The following SLC39A11 variants were observed in gnomAD, a reference collection of about 807,000 sequenced individuals.
SLC39A11 encodes the protein zinc transporter ZIP11.
SLC39A11 carries 33 observed loss-of-function variants against 36.1 expected under a neutral mutation model. The ratio of observed to expected loss-of-function variants is 0.91; its 90% CI spans 0.69 to 1.22. The LOEUF (loss-of-function observed/expected upper bound fraction) is 1.22, where lower values mean the gene tolerates loss of function less well. SLC39A11 is among the 50% of genes most tolerant of loss of function. The probability of loss-of-function intolerance (pLI) is 0.00; values close to 1 mark genes in which losing one functional copy is unlikely to be tolerated. For missense variants in SLC39A11, 432 were observed against 430.3 expected (o/e 1.00, Z -0.03); for synonymous variants, 166 against 170.3 (o/e 0.97, Z 0.20).
chr17:72,984,707 T>C (rs2088586176), intron 4 of SLC39A11, among the ~76,000 whole-genome samples: 1 of 152,212 alleles, frequency 6.6e-6, no homozygotes, highest in South Asian at 2.1e-4. Flanking sequence ...GCAACGCCTT[T>C]TACAGGGGCT....
intron 4 of SLC39A11, among the ~76,000 whole-genome samples, chr17:72,978,753 G>A (rs1190011574): frequency 1.3e-5 from 2 of 152,162 alleles, no homozygotes; most frequent in African/African-American, 4.8e-5. Context: ...GGACAGGATG[G>A]GTCCACAAGA....
chr17:72,900,217 G>GAAAGAAAGAAAGAAGGAAAA lies in SLC39A11; in HGVS notation c.430+47534_430+47535insTTTTCCTTCTTTCTTTCTTT, dbSNP rs1567913095. 7.4e-5 allele frequency among the ~76,000 whole-genome samples: 8 copies of GAAAGAAAGAAAGAAGGAAAA among 107,406 alleles called. 2 individuals carry two copies. In the East Asian group the frequency reaches 1.5e-3, roughly 21 times the overall value. 70.5% of individuals were successfully genotyped at this position (107,406 alleles called of 152,430 possible). A position where few individuals can be genotyped will look rare whatever the true frequency, so the allele number is the denominator to read the frequency against. ...AGAAAGAAAGAAAGAAAGAAAGAAA[G>GAAAGAAAGAAAGAAGGAAAA]AAAGAAAGAAAGAAAAAGACAGCAA... On this transcript the variant is annotated intron_variant, in intron 5 of 9. Coordinates refer to ENST00000255559, the MANE Select transcript of SLC39A11 (RefSeq NM_139177.4).
chr17:72,796,379 A>G (rs1431431924), intron 6 of SLC39A11, among the ~76,000 whole-genome samples: 2 of 151,982 alleles, frequency 1.3e-5, no homozygotes, highest in African/African-American at 4.8e-5. Flanking sequence ...TGGTGGGGTC[A>G]CTCTATATGC....
chr17:72,971,627 A>T (rs2087462413), intron 4 of SLC39A11, among the ~76,000 whole-genome samples: 1 of 152,176 alleles, frequency 6.6e-6, no homozygotes, highest in South Asian at 2.1e-4. Flanking sequence ...CAGAGCACCA[A>T]CGTGAAGGCG....
intron 6 of SLC39A11, among the ~76,000 whole-genome samples, chr17:72,796,880 G>A (rs2076914492): frequency 6.6e-6 from 1 of 152,136 alleles, no homozygotes; most frequent in Admixed American, 6.5e-5. Context: ...GATTTTCAAA[G>A]TTACCTGTGG....
At chr17:73,073,368 T>G (rs923661055) in intron 3 of SLC39A11, among the ~76,000 whole-genome samples, 1 of 152,018 alleles carries the variant, frequency 6.6e-6, no homozygotes, top group Non-Finnish European at 1.5e-5. Context: ...GAATAATGGT[T>G]AGAGAGGGAC....
chr17:72,661,510 G>A (rs1056249632), intron 7 of SLC39A11, among the ~76,000 whole-genome samples: 13 of 152,220 alleles, frequency 8.5e-5, no homozygotes, highest in African/African-American at 3.1e-4. Context: ...TGTGCGATGA[G>A]CGTGTGTGTT....
chr17:72,900,042 G>A (rs2082254850), intron 5 of SLC39A11, among the ~76,000 whole-genome samples: 1 of 132,244 alleles, frequency 7.6e-6, no homozygotes, highest in Admixed American at 7.6e-5. Context: ...GAGAAAGAGA[G>A]AGAGAAAGAG....
At chr17:72,853,009 TG>T (rs1215147644) in intron 5 of SLC39A11, among the ~76,000 whole-genome samples, 4 of 151,478 alleles carry the variant, frequency 2.6e-5, no homozygotes, top group Middle Eastern at 3.4e-3. Flanking sequence ...TGCAGACTTT[TG>T]ATTGATTGAT....
chr17:72,911,465 G>A (rs1021138309), intron 5 of SLC39A11, among the ~76,000 whole-genome samples: 21 of 151,068 alleles, frequency 1.4e-4, no homozygotes, highest in African/African-American at 4.9e-4. Context: ...TACACATCTC[G>A]TGGTCTCCCT....
chr17:72,879,226 G>A (rs151247859), intron 5 of SLC39A11, among the ~76,000 whole-genome samples: 36 of 152,316 alleles, frequency 2.4e-4, no homozygotes, highest in African/African-American at 8.4e-4. Context: ...GAATCATTAA[G>A]TCATTAGCCC....
intron 6 of SLC39A11, among the ~76,000 whole-genome samples, chr17:72,772,949 G>A (rs1398221520): frequency 6.6e-6 from 1 of 152,156 alleles, no homozygotes; most frequent in African/African-American, 2.4e-5. Context: ...AGCTGGGCAT[G>A]GTGGCGAGTG....
At chr17:72,966,674 A>G (rs2087006665) in intron 4 of SLC39A11, among the ~76,000 whole-genome samples, 1 of 152,064 alleles carries the variant, frequency 6.6e-6, no homozygotes, top group Non-Finnish European at 1.5e-5. Flanking sequence ...GGTTCACGCC[A>G]TTCTCCTTCC....
chr17:72,648,854 C>T lies in SLC39A11; in HGVS notation c.878G>A (p.Gly293Asp). ...ILPYALAFAA[G>D]AMVYVVMDDI... ...GTCCATGACCACGTAGACCATGGCACCGGCAGCAAAGGCCAGAGCGTAGGG... is the reference window on the plus strand; with the variant it reads ...GTCCATGACCACGTAGACCATGGCATCGGCAGCAAAGGCCAGAGCGTAGGG... The change falls in exon 9 of 10, where the codon GGT (glycine) becomes GAT (aspartate). Residue 293 changes from glycine (G) to aspartate (D), a missense_variant. Coordinates refer to ENST00000255559, the MANE Select transcript of SLC39A11 (RefSeq NM_139177.4). 6.2e-7 allele frequency: 1 copy of T among 1,614,196 alleles called. No individual in the cohort carries two copies. The highest frequency in any genetic ancestry group is 8.5e-7 in the Non-Finnish European group (1 of 1,180,044).
chr17:73,021,570 G>A (rs1236402635), intron 4 of SLC39A11, among the ~76,000 whole-genome samples: 2 of 152,008 alleles, frequency 1.3e-5, no homozygotes, highest in Non-Finnish European at 2.9e-5. Context: ...ATGAATTCCT[G>A]CCCAGCTCTG....
At chr17:72,836,535 T>C (rs1163057348) in intron 6 of SLC39A11, among the ~76,000 whole-genome samples, 1 of 152,050 alleles carries the variant, frequency 6.6e-6, no homozygotes, top group Non-Finnish European at 1.5e-5. Context: ...GAGATGGGGT[T>C]TCCCCACGTT....
chr17:72,914,371 T>C (rs2083215298), intron 5 of SLC39A11, among the ~76,000 whole-genome samples: 1 of 150,824 alleles, frequency 6.6e-6, no homozygotes, highest in Non-Finnish European at 1.5e-5. Context: ...ATAAAAATAA[T>C]ACAAATAAGA....
chr17:72,991,204 T>A (rs377188948), intron 4 of SLC39A11, among the ~76,000 whole-genome samples: 1 of 152,224 alleles, frequency 6.6e-6, no homozygotes, highest in Non-Finnish European at 1.5e-5. Flanking sequence ...TGGGTATGCT[T>A]TATAACGCTA....
intron 5 of SLC39A11, among the ~76,000 whole-genome samples, chr17:72,865,223 C>A (rs2080239408): frequency 6.6e-6 from 1 of 151,928 alleles, no homozygotes; most frequent in African/African-American, 2.4e-5. Flanking sequence ...GTGTTACTGT[C>A]CACATGGAGG....
Sources: allele counts gnomAD v4.1 joint callset (sites outside exome capture counted in the v4.1 genomes callset), GRCh38; gene constraint gnomAD v4.1.1; transcripts MANE v1.5; gene names NCBI Gene and HGNC (gene_info 2026-07-23, HGNC 2026-07-21).